Variants in MAP2K5 observed in about 807,000 individuals in gnomAD.
The protein encoded by MAP2K5 is mitogen-activated protein kinase kinase 5, also known as dual specificity mitogen-activated protein kinase kinase 5.
Under a neutral mutation model 83.1 loss-of-function variants are expected in MAP2K5, and 49 were observed. The ratio of observed to expected loss-of-function variants is 0.59; its 90% confidence interval spans 0.47 to 0.75. The LOEUF is 0.75. Among genes scored for constraint, MAP2K5 ranks in the 30% least tolerant of loss-of-function variants. The pLI, the probability that MAP2K5 is intolerant of heterozygous loss-of-function variation, is 0.00. For missense variants in MAP2K5, 457 were observed against 557.5 expected (o/e 0.82, Z 1.82); for synonymous variants, 202 against 191.8 (o/e 1.05, Z -0.44).
intron 16 of MAP2K5, among the ~76,000 whole-genome samples, chr15:67,716,699 A>G (rs2088834012): frequency 6.6e-6 from 1 of 152,220 alleles, no homozygotes; most frequent in Admixed American, 6.5e-5. Flanking sequence ...ACTGTGCAGA[A>G]GAGGACTGGA....
chr15:67,753,846 C>T (rs1283516991), intron 19 of MAP2K5, among the ~76,000 whole-genome samples: 1 of 152,216 alleles, frequency 6.6e-6, no homozygotes, highest in African/African-American at 2.4e-5. Flanking sequence ...AGCAGTTCCA[C>T]CTCTAGGTAT....
rs2086975397 is a variant in MAP2K5, at chr15:67,652,463, G to A, written c.736+5994G>A. Among the ~76,000 whole-genome samples, 1 of 152,138 alleles carries A rather than the reference G, an allele frequency of 6.6e-6. No homozygotes were observed. Among genetic ancestry groups the A allele is most frequent in the Non-Finnish European group, 1.5e-5 (1 of 68,030 alleles). On this transcript the variant is annotated intron_variant, in intron 11 of 21. Transcript: ENST00000178640. This position sits in a 1 kb window ranked among gnomAD's most constrained non-coding sequence, Gnocchi z 4.2. ...CGTGGAGCAAGAGAGAGAGGAGGGA[G>A]GTCCCAGACACTTTTTAACAACCAA...
chr15:67,621,795 A>G (rs2086192544), intron 8 of MAP2K5, among the ~76,000 whole-genome samples: 1 of 152,234 alleles, frequency 6.6e-6, no homozygotes, highest in African/African-American at 2.4e-5. Flanking sequence ...GTGAACAAAA[A>G]AAACGAAAGT....
At chr15:67,730,960 A>G in intron 17 of MAP2K5, among the ~76,000 whole-genome samples, 1 of 152,210 alleles carries the variant, frequency 6.6e-6, no homozygotes, top group East Asian at 1.9e-4. Flanking sequence ...TGAGGATTCT[A>G]ATGCCTACCT....
chr15:67,549,996 G>A (rs776198573), intron 1 of MAP2K5, 38 bp from the exon 2 acceptor site: 1 of 1,533,236 alleles, frequency 6.5e-7, no homozygotes, highest in African/African-American at 1.4e-5. Flanking sequence ...CAATAAAGAA[G>A]ATGGCTAATT....
intron 17 of MAP2K5, among the ~76,000 whole-genome samples, chr15:67,737,175 G>C (rs2089360276): frequency 6.6e-6 from 1 of 152,210 alleles, no homozygotes; most frequent in Admixed American, 6.5e-5. Context: ...CTGCAGAGAT[G>C]AAAATTACTG....
rs977386686 is a variant in MAP2K5 at position 67,806,687 on chromosome 15, C to T, written c.1284C>T (p.Ala428=). The T allele has an allele frequency of 1.6e-5, 25 of 1,551,522 alleles. No homozygotes were observed. The highest frequency in any genetic ancestry group is 9.6e-5 in the African/African-American group (7 of 73,112). Residue 428 remains alanine, a synonymous_variant, in exon 22 of 22, where the codon GCC becomes GCT. Transcript: ENST00000178640. ...TGCAGTTCAATGATGGAAATGCCGC[C>T]GTGGTGTCCATGTGGGTGTGCCGGG... ...FIVQFNDGNA[A]VVSMWVCRAL...
rs558125591 is a variant in MAP2K5, at chr15:67,786,878, A to G, written c.1242+14126A>G. ...GGTAACCATTTTTATCGTCATTGTC[A>G]TCATCATCACTGCTAATAACAAGAG... On this transcript the variant is annotated intron_variant, in intron 21 of 21. Coordinates refer to ENST00000178640, the MANE Select transcript of MAP2K5 (RefSeq NM_145160.3). This position sits in a 1 kb window ranked among gnomAD's most constrained non-coding sequence, Gnocchi z 4.7. Among the ~76,000 whole-genome samples the G allele has an allele frequency of 7.9e-5, 12 of 152,336 alleles. No homozygotes were observed. The highest frequency in any genetic ancestry group is 2.9e-4 in the African/African-American group (12 of 41,574).
intron 11 of MAP2K5, among the ~76,000 whole-genome samples, chr15:67,655,374 A>G (rs2141135278): frequency 6.6e-6 from 1 of 152,186 alleles, no homozygotes; most frequent in Non-Finnish European, 1.5e-5. Context: ...ACTGTATTTT[A>G]TTTCTTGTAG....
Position 67,696,713 on chromosome 15 carries a change from C to A in MAP2K5, c.972+3145C>A, listed in dbSNP as rs142212360. Among the ~76,000 whole-genome samples, 85 of 152,342 alleles carry A rather than the reference C, an allele frequency of 5.6e-4. 1 individual carries two copies. The highest frequency in any genetic ancestry group is 2.0e-3 in the African/African-American group (83 of 41,580). ...ATAAGACAGGCCAGGCACAGTGGCT[C>A]ATGCCTGTAATCCCAGCACTTTGGG... is the stretch of plus-strand genomic sequence containing the variant. On this transcript the variant is annotated intron_variant, in intron 15 of 21. Transcript: ENST00000178640.
intron 15 of MAP2K5, among the ~76,000 whole-genome samples, chr15:67,694,016 A>G (rs763357929): frequency 6.6e-6 from 1 of 152,060 alleles, no homozygotes; most frequent in African/African-American, 2.4e-5. Context: ...CTGAATGTAA[A>G]GGTTTAGGGG....
intron 3 of MAP2K5, among the ~76,000 whole-genome samples, chr15:67,566,076 G>GT (rs986170581): frequency 6.6e-6 from 1 of 152,192 alleles, no homozygotes; most frequent in African/African-American, 2.4e-5. Flanking sequence ...TGGCTCTGAA[G>GT]TTTGAGTCCA....
At chr15:67,692,285 C>T (rs146250666) in intron 13 of MAP2K5, among the ~76,000 whole-genome samples, 194 bp from the exon 14 acceptor site, 193 of 152,118 alleles carry the variant, frequency 1.3e-3, no homozygotes, top group Middle Eastern at 3.4e-3. Context: ...AATCGTTGAA[C>T]GTGGAGGAGT....
At chr15:67,583,413 A>G (rs1251638173) in intron 4 of MAP2K5, among the ~76,000 whole-genome samples, 6 of 152,168 alleles carry the variant, frequency 3.9e-5, no homozygotes, top group African/African-American at 1.2e-4. Flanking sequence ...ATTGTTAAAC[A>G]TAGTCTTTCT....
intron 12 of MAP2K5, among the ~76,000 whole-genome samples, chr15:67,659,813 A>G (rs993488756): frequency 6.6e-6 from 1 of 152,180 alleles, no homozygotes; most frequent in African/African-American, 2.4e-5. Context: ...GAAATCTGCC[A>G]TCTTCAGTAG....
chr15:67,597,207 A>G lies in MAP2K5; in HGVS notation c.481-3478A>G, dbSNP rs1200068339. ...AAAAGAAAAAAAAAAACTACTTGGT[A>G]TTGTTGTTGAATAAAAAGCTCTCCT... is the stretch of plus-strand genomic sequence containing the variant. On this transcript the variant is annotated intron_variant, in intron 7 of 21. Coordinates refer to ENST00000178640, the MANE Select transcript of MAP2K5 (RefSeq NM_145160.3). Among the ~76,000 whole-genome samples, 4 of 151,848 alleles carry G rather than the reference A, an allele frequency of 2.6e-5. No individual in the cohort carries two copies. In the East Asian group the frequency reaches 5.8e-4, roughly 22 times the overall value.
chr15:67,622,864 C>T (rs547170719), intron 8 of MAP2K5, among the ~76,000 whole-genome samples: 1 of 152,004 alleles, frequency 6.6e-6, no homozygotes, highest in Non-Finnish European at 1.5e-5. Context: ...TTTGGGAGGT[C>T]GAGGCAGGTG....
chr15:67,696,821 T>C (rs1482204451), intron 15 of MAP2K5, among the ~76,000 whole-genome samples: 2 of 151,698 alleles, frequency 1.3e-5, no homozygotes, highest in African/African-American at 4.8e-5. Context: ...CTACTAAAAA[T>C]ACAAAAAATC....
chr15:67,569,627 G>A (rs899566421), intron 3 of MAP2K5, among the ~76,000 whole-genome samples: 1 of 152,156 alleles, frequency 6.6e-6, no homozygotes, highest in African/African-American at 2.4e-5. Flanking sequence ...CTATGTTGGA[G>A]CCTGTTTGGT....
Sources: allele counts gnomAD v4.1 joint callset (sites outside exome capture counted in the v4.1 genomes callset), GRCh38; gene constraint gnomAD v4.1.1; non-coding constraint Gnocchi (gnomAD v3.1); transcripts MANE v1.5; gene names NCBI Gene and HGNC (gene_info 2026-07-23, HGNC 2026-07-21).